Variants in ENOX1 observed in about 807,000 individuals in gnomAD.
The protein encoded by ENOX1 is candidate growth-related and time keeping constitutive hydroquinone (NADH) oxidase.
Under a neutral mutation model 82.5 loss-of-function variants are expected in ENOX1, and 42 were observed. The observed-to-expected ratio is 0.51, with a 90% CI of 0.40 to 0.66. The LOEUF is 0.66. Ranked by LOEUF, ENOX1 falls within the 30% of genes least tolerant of loss-of-function variation. The pLI is 0.00. For synonymous variants in ENOX1, 271 were observed against 282.2 expected (o/e 0.96, Z 0.40); for missense variants, 608 against 811.6 (o/e 0.75, Z 3.05).
At chr13:43,370,946 A>C (rs529023958) in intron 5 of ENOX1, among the ~76,000 whole-genome samples, 30 of 145,596 alleles carry the variant, frequency 2.1e-4, no homozygotes, top group African/African-American at 7.6e-4. Flanking sequence ...TCCTCCCTGC[A>C]TGCCCTTCTC....
At chr13:43,386,011 C>A (rs2052389595) in intron 5 of ENOX1, among the ~76,000 whole-genome samples, 1 of 152,036 alleles carries the variant, frequency 6.6e-6, no homozygotes, top group South Asian at 2.1e-4. Flanking sequence ...ACTAAAAATA[C>A]AAAAATTAGC....
intron 3 of ENOX1, among the ~76,000 whole-genome samples, chr13:43,415,243 T>TG (rs1387395411): frequency 1.4e-5 from 2 of 145,192 alleles, no homozygotes; most frequent in South Asian, 2.3e-4. Context: ...TTTTTTTTTT[T>TG]TTTTTTTTTT....
At chr13:43,282,452 C>CT (rs558705645) in intron 12 of ENOX1, among the ~76,000 whole-genome samples, 24,666 of 142,452 alleles carry the variant, frequency 0.17, 2,338 homozygotes, top group Non-Finnish European at 0.23. Context: ...ATTCTTTTTT[C>CT]TTTTTTTTTT....
intron 2 of ENOX1, among the ~76,000 whole-genome samples, chr13:43,625,813 T>G (rs780355460): frequency 2.5e-4 from 38 of 152,100 alleles, no homozygotes; most frequent in South Asian, 1.0e-3. Flanking sequence ...TTTTTTGTAC[T>G]GTTTTTGTCT....
At chr13:43,393,372 A>C (rs2052920849) in intron 5 of ENOX1, among the ~76,000 whole-genome samples, 1 of 152,246 alleles carries the variant, frequency 6.6e-6, no homozygotes, top group Admixed American at 6.5e-5. Flanking sequence ...GTGTTCTAAT[A>C]AAATAGATTA....
chr13:43,547,434 TA>T (rs1312396137), intron 2 of ENOX1: 1 of 152,186 alleles, frequency 6.6e-6, no homozygotes, highest in African/African-American at 2.4e-5. Context: ...GATACATGTA[TA>T]AGAGAAGCAA....
chr13:43,349,090 A>G (rs1221834845), intron 8 of ENOX1, among the ~76,000 whole-genome samples: 1 of 152,250 alleles, frequency 6.6e-6, no homozygotes, highest in Non-Finnish European at 1.5e-5. Context: ...GAAAGATACA[A>G]ATGTAATGGT....
chr13:43,710,087 C>G (rs118071044), intron 1 of ENOX1, among the ~76,000 whole-genome samples: 1 of 151,776 alleles, frequency 6.6e-6, no homozygotes, highest in Non-Finnish European at 1.5e-5. Context: ...AACATAGATG[C>G]GAATATGTTA....
At chr13:43,262,380 TAATG>T (rs907274542) in intron 14 of ENOX1, among the ~76,000 whole-genome samples, 1 of 152,224 alleles carries the variant, frequency 6.6e-6, no homozygotes, top group African/African-American at 2.4e-5. Context: ...TAATAAATGA[TAATG>T]CATGAAATTC....
rs2041319538 is a variant in ENOX1, at chr13:43,213,939, C to T, written c.*51G>A. On this transcript the variant is annotated 3_prime_UTR_variant, in exon 17 of 17. Transcript: ENST00000690772. ...ACCTCCTGCTTCCCCGTCGCACCGCCCTGGCCAGGTTCACATGGTTTCATT... is the reference window on the plus strand; with the variant it reads ...ACCTCCTGCTTCCCCGTCGCACCGCTCTGGCCAGGTTCACATGGTTTCATT... 2 of 1,595,092 alleles carry T rather than the reference C, an allele frequency of 1.3e-6. No individual in the cohort carries two copies. The highest frequency in any genetic ancestry group is 1.7e-5 in the Admixed American group (1 of 59,144).
At chr13:43,727,455 C>A (rs1481143274) in intron 1 of ENOX1, among the ~76,000 whole-genome samples, 1 of 152,098 alleles carries the variant, frequency 6.6e-6, no homozygotes, top group Non-Finnish European at 1.5e-5. Context: ...CAGAACTAGG[C>A]CATCCTTACA....
chr13:43,575,937 T>C (rs1027990399), intron 2 of ENOX1, among the ~76,000 whole-genome samples: 1 of 152,224 alleles, frequency 6.6e-6, no homozygotes, highest in African/African-American at 2.4e-5. Context: ...TATGTTGTAA[T>C]ACATAAGTTT....
chr13:43,361,616 A>AG (rs1487066374), intron 5 of ENOX1, among the ~76,000 whole-genome samples, 164 bp from the exon 6 acceptor site: 3 of 152,244 alleles, frequency 2.0e-5, no homozygotes, highest in African/African-American at 7.2e-5. Flanking sequence ...AAGGGTAAAG[A>AG]GAAAAAAAGT....
chr13:43,532,613 A>G (rs1214234523), intron 2 of ENOX1, among the ~76,000 whole-genome samples: 1 of 152,112 alleles, frequency 6.6e-6, no homozygotes, highest in Non-Finnish European at 1.5e-5. Context: ...GAAATTATTA[A>G]AACACTCCTC....
chr13:43,553,545 T>C (rs2079299577), intron 2 of ENOX1, among the ~76,000 whole-genome samples: 1 of 152,192 alleles, frequency 6.6e-6, no homozygotes, highest in Non-Finnish European at 1.5e-5. Context: ...ACTTTTGCTT[T>C]GGTTTCTGGT....
chr13:43,734,356 G>T (rs1167290611), intron 1 of ENOX1, among the ~76,000 whole-genome samples: 1 of 152,104 alleles, frequency 6.6e-6, no homozygotes, highest in African/African-American at 2.4e-5. Flanking sequence ...ATCCTGATAG[G>T]CAGACTGTGT....
chr13:43,499,579 C>T (rs1566387379), intron 2 of ENOX1, among the ~76,000 whole-genome samples: 1 of 152,004 alleles, frequency 6.6e-6, no homozygotes, highest in African/African-American at 2.4e-5. Context: ...AAATGTCCTG[C>T]CCAGAATCTC....
chr13:43,371,747 C>T (rs2051259697), intron 5 of ENOX1, among the ~76,000 whole-genome samples: 1 of 152,138 alleles, frequency 6.6e-6, no homozygotes, highest in Admixed American at 6.5e-5. Flanking sequence ...TTTAAACTTA[C>T]TGCTTGAAGG....
chr13:43,269,943 C>T (rs989431234), intron 12 of ENOX1, among the ~76,000 whole-genome samples: 3 of 152,182 alleles, frequency 2.0e-5, no homozygotes, highest in African/African-American at 4.8e-5. Context: ...TCACATATTA[C>T]AGTAAAGCTA....
Sources: gnomAD v4.1 joint callset for allele counts (sites outside exome capture counted in the v4.1 genomes callset) on GRCh38, gnomAD v4.1.1 for gene constraint, MANE v1.5 for transcripts, NCBI Gene and HGNC (gene_info 2026-07-23, HGNC 2026-07-21) for gene names.